The following FDFT1 variants were observed in gnomAD, a reference collection of about 807,000 sequenced individuals.
The protein encoded by FDFT1 is squalene synthase.
In FDFT1, 68 loss-of-function variants were observed where a neutral mutation model predicts 46.8. The ratio of observed to expected loss-of-function variants is 1.45; its 90% CI spans 1.19 to 1.78. The LOEUF (loss-of-function observed/expected upper bound fraction) is 1.78. FDFT1 is among the 40% of genes most tolerant of loss of function. The pLI is 0.00. For synonymous variants in FDFT1, 351 were observed against 185.1 expected, an observed-to-expected ratio of 1.90 and a Z score of -7.28; for missense variants, 928 against 524.4, an observed-to-expected ratio of 1.77 and a Z score of -7.52.
chr8:11,828,764 A>G (rs1472740930), intron 5 of FDFT1, among the ~76,000 whole-genome samples: 1 of 152,222 alleles, frequency 6.6e-6, no homozygotes, highest in East Asian at 1.9e-4. Context: ...AATCATGCCA[A>G]ATGTGGTCCT....
At chr8:11,801,909 T>G (rs887952961), upstream of FDFT1, 2 of 452,324 alleles carry the variant, frequency 4.4e-6, no homozygotes, top group African/African-American at 4.0e-5. Flanking sequence ...CAGGATGGTC[T>G]CGATCTCTTG....
At chr8:11,806,699 G>C (rs1360647110) in intron 1 of FDFT1, among the ~76,000 whole-genome samples, 1 of 152,142 alleles carries the variant, frequency 6.6e-6, no homozygotes, top group Non-Finnish European at 1.5e-5. Flanking sequence ...CCTGGTAATG[G>C]TCAGGCTATG....
intron 5 of FDFT1, among the ~76,000 whole-genome samples, chr8:11,827,008 A>G (rs1360840183): frequency 6.6e-6 from 1 of 152,226 alleles, no homozygotes; most frequent in African/African-American, 2.4e-5. Context: ...GTCTGTAATA[A>G]GGGACAGGGT....
chr8:11,824,624 G>A (rs984443663), intron 4 of FDFT1, among the ~76,000 whole-genome samples: 2 of 151,788 alleles, frequency 1.3e-5, no homozygotes, highest in African/African-American at 4.8e-5. Context: ...GGGCAATGTT[G>A]GGCAAGTTAA....
chr8:11,820,658 G>A (rs986802160), intron 3 of FDFT1, among the ~76,000 whole-genome samples: 4 of 152,296 alleles, frequency 2.6e-5, no homozygotes, highest in African/African-American at 9.6e-5. Flanking sequence ...AGGTTCCATG[G>A]GCATGGGACC....
intron 1 of FDFT1, chr8:11,808,156 G>C (rs1007957810): frequency 1.2e-5 from 8 of 647,404 alleles, no homozygotes; most frequent in Non-Finnish European, 1.6e-5. Flanking sequence ...GTAAAACTGG[G>C]CGATGCAAAG....
At chr8:11,831,139 A>G (rs1299145666) in intron 6 of FDFT1, among the ~76,000 whole-genome samples, 1 of 152,250 alleles carries the variant, frequency 6.6e-6, no homozygotes, top group Non-Finnish European at 1.5e-5. Context: ...TAGGAAAAAT[A>G]GAAAAACAAC....
chr8:11,798,729 T>C (rs1805813395), upstream of FDFT1, among the ~76,000 whole-genome samples: 1 of 152,216 alleles, frequency 6.6e-6, no homozygotes, highest in South Asian at 2.1e-4. Flanking sequence ...ATTCAATAAA[T>C]ACTCATTGAG....
intron 3 of FDFT1, among the ~76,000 whole-genome samples, chr8:11,814,632 C>T (rs936008421): frequency 6.6e-6 from 1 of 152,114 alleles, no homozygotes; most frequent in Non-Finnish European, 1.5e-5. Context: ...GATATTTGGG[C>T]AGTAACAATA....
chr8:11,802,480 G>A (rs1258987104), upstream of FDFT1: 4 of 478,940 alleles, frequency 8.4e-6, no homozygotes, highest in Non-Finnish European at 1.7e-5. Context: ...ACAAAGGCCC[G>A]GCTCCATCAG....
chr8:11,834,068 T>C (rs1469393749), intron 7 of FDFT1, among the ~76,000 whole-genome samples: 2 of 152,358 alleles, frequency 1.3e-5, no homozygotes, highest in South Asian at 2.1e-4. Flanking sequence ...ACTGATCCTA[T>C]TTCTCCTTGC....
At chr8:11,808,773 G>C in intron 1 of FDFT1, 21 bp from the exon 2 acceptor site, 1 of 1,606,422 alleles carries the variant, frequency 6.2e-7, no homozygotes, top group Non-Finnish European at 8.5e-7. Context: ...TCCCACCGCC[G>C]TGTGTGTTGT....
At chr8:11,818,190 C>G (rs1214540479) in intron 3 of FDFT1, among the ~76,000 whole-genome samples, 4 of 152,152 alleles carry the variant, frequency 2.6e-5, no homozygotes, top group Non-Finnish European at 4.4e-5. Context: ...TTTATTAATC[C>G]TGAGTTCTAA....
At chr8:11,808,505 G>C (rs1230099495) in intron 1 of FDFT1, 2 of 1,329,064 alleles carry the variant, frequency 1.5e-6, no homozygotes, top group Non-Finnish European at 1.9e-6. Context: ...ACTCCGCGGG[G>C]TCCGCGATTC....
rs1165724177 is a variant in FDFT1, at chr8:11,831,594, GGCAA to G, written c.960_963del (p.Ala321Ter). On this transcript the variant is annotated frameshift_variant, in exon 7 of 8. Transcript: ENST00000220584. LOFTEE classifies it high-confidence loss of function. ...AAAGGGGCAGTGAAGATTCGGAAAG[GGCAA>G]GCAGTGACCCTGATGATGGATGCCA... The G allele has an allele frequency of 6.2e-7, 1 of 1,614,062 alleles. No homozygotes were observed. Among genetic ancestry groups the G allele is most frequent in the Non-Finnish European group, 8.5e-7 (1 of 1,179,926 alleles).
At chr8:11,820,283 C>T (rs1585935001) in intron 3 of FDFT1, among the ~76,000 whole-genome samples, 1 of 152,164 alleles carries the variant, frequency 6.6e-6, no homozygotes, top group East Asian at 1.9e-4. Context: ...TGTCTCCTCC[C>T]AGTCAGGCTA....
chr8:11,814,315 T>A (rs1377648541), intron 3 of FDFT1, among the ~76,000 whole-genome samples: 1 of 151,910 alleles, frequency 6.6e-6, no homozygotes, highest in East Asian at 1.9e-4. Context: ...TTTTTTTTTT[T>A]TTGGAGGGAC....
intron 7 of FDFT1, among the ~76,000 whole-genome samples, chr8:11,833,727 G>A (rs535527535): frequency 2.0e-5 from 3 of 152,152 alleles, no homozygotes; most frequent in Admixed American, 6.5e-5. Context: ...GCAATGTGAC[G>A]GCCGAGTTGA....
chr8:11,833,790 A>C (rs1245526041), intron 7 of FDFT1, among the ~76,000 whole-genome samples: 1 of 152,216 alleles, frequency 6.6e-6, no homozygotes, highest in African/African-American at 2.4e-5. Context: ...TTGGCCCTTG[A>C]ATAAGAGGTT....
Sources: allele counts gnomAD v4.1 joint callset (sites outside exome capture counted in the v4.1 genomes callset), GRCh38; gene constraint gnomAD v4.1.1; transcripts MANE v1.5; gene names NCBI Gene and HGNC (gene_info 2026-07-23, HGNC 2026-07-21).